BCAS3: variants seen among roughly 807,000 people sequenced by gnomAD.
BCAS3 encodes BCAS4/BCAS3 fusion.
A neutral mutation model predicts 116.1 loss-of-function variants in BCAS3; 53 were observed. The observed-to-expected ratio is 0.46, with a 90% CI of 0.37 to 0.57. BCAS3 has a LOEUF of 0.57. Among genes scored for constraint, BCAS3 ranks in the 20% least tolerant of loss-of-function variants. The pLI, the probability that BCAS3 is intolerant of heterozygous loss-of-function variation, is 0.00. For synonymous variants in BCAS3, 391 were observed against 408.2 expected (o/e 0.96, Z 0.51); for missense variants, 917 against 1,165.4 (o/e 0.79, Z 3.10).
At chr17:60,849,192 CTG>C (rs2144794193) in intron 7 of BCAS3, among the ~76,000 whole-genome samples, 1 of 152,094 alleles carries the variant, frequency 6.6e-6, no homozygotes, top group Admixed American at 6.5e-5. Context: ...AGGCTAAAAA[CTG>C]TCAGAGAAGG....
Position 61,051,712 on chromosome 17 carries a change from C to G in BCAS3, c.2029+10820C>G, listed in dbSNP as rs555547346. Among the ~76,000 whole-genome samples the G allele has an allele frequency of 1.3e-5, 2 of 152,276 alleles. No individual in the cohort carries two copies. The highest frequency in any genetic ancestry group is 3.9e-4 in the East Asian group (2 of 5,180). On this transcript the variant is annotated intron_variant, in intron 19 of 23. Coordinates refer to ENST00000407086, the MANE Select transcript of BCAS3 (RefSeq NM_017679.5). The surrounding 1 kb of genome is among the most constrained non-coding windows in gnomAD (Gnocchi z 4.1). Reference sequence around the variant, plus strand: ...TCCTGAACTTGAGTGATCCTCCTGCCTCAGCCTCCTGAGTACCTGGGACTA... The same window carrying G: ...TCCTGAACTTGAGTGATCCTCCTGCGTCAGCCTCCTGAGTACCTGGGACTA...
intron 11 of BCAS3, among the ~76,000 whole-genome samples, chr17:60,905,774 G>A (rs961448028): frequency 5.9e-5 from 9 of 152,300 alleles, no homozygotes; most frequent in African/African-American, 1.7e-4. Context: ...GGGCCTGAGC[G>A]GGTTTCAGGA....
intron 7 of BCAS3, among the ~76,000 whole-genome samples, chr17:60,808,824 G>A (rs1294129611): frequency 6.6e-6 from 1 of 152,158 alleles, no homozygotes; most frequent in East Asian, 1.9e-4. Flanking sequence ...TGCAGAGAAG[G>A]GAGAGATCAG....
rs1318906334 is a variant in BCAS3 at position 61,356,127 on chromosome 17, TG to T, written c.2426-12197del. ...CTCCTGCCTCAGCCTCCCGAGTAGC[TG>T]GGATTACAGGCGCCTGCCATCATGC... On this transcript the variant is annotated intron_variant, in intron 22 of 23. Transcript: ENST00000407086. This position sits in a 1 kb window ranked among gnomAD's most constrained non-coding sequence, Gnocchi z 5.4. Among the ~76,000 whole-genome samples, 7 of 152,316 alleles carry T rather than the reference TG, an allele frequency of 4.6e-5. No homozygotes were observed. The East Asian group carries it at 1.4e-3, about 29-fold the overall frequency.
At chr17:61,212,746 A>G (rs1056568623) in intron 22 of BCAS3, among the ~76,000 whole-genome samples, 1 of 152,178 alleles carries the variant, frequency 6.6e-6, no homozygotes, top group Admixed American at 6.5e-5. Flanking sequence ...CAGTGGTGCT[A>G]GTTTCCAATT....
intron 6 of BCAS3, among the ~76,000 whole-genome samples, chr17:60,750,046 T>C (rs2144276060): frequency 6.6e-6 from 1 of 152,062 alleles, no homozygotes; most frequent in African/African-American, 2.4e-5. Flanking sequence ...CAGTGCCTGT[T>C]ATTCCAGCTA....
At chr17:61,062,323 C>A (rs2070140455) in intron 19 of BCAS3, among the ~76,000 whole-genome samples, 1 of 152,158 alleles carries the variant, frequency 6.6e-6, no homozygotes. Flanking sequence ...GTATTCTATA[C>A]TCCTGTAAAG....
chr17:61,142,193 T>C (rs2076960956), intron 22 of BCAS3, among the ~76,000 whole-genome samples: 1 of 152,236 alleles, frequency 6.6e-6, no homozygotes, highest in African/African-American at 2.4e-5. Flanking sequence ...GTAATTGTTA[T>C]TATTTCCATT....
At chr17:60,720,737 A>G (rs1007262023) in intron 5 of BCAS3, among the ~76,000 whole-genome samples, 1 of 152,204 alleles carries the variant, frequency 6.6e-6, no homozygotes, top group Non-Finnish European at 1.5e-5. Context: ...GAGGATGTGC[A>G]TAGGTTTTAT....
chr17:60,707,082 C>T (rs1227423257), intron 4 of BCAS3, among the ~76,000 whole-genome samples: 1 of 151,810 alleles, frequency 6.6e-6, no homozygotes, highest in Non-Finnish European at 1.5e-5. Context: ...ACCTCTGCCT[C>T]CTGGGTTCAA....
intron 22 of BCAS3, among the ~76,000 whole-genome samples, chr17:61,294,237 C>T (rs920417580): frequency 6.6e-6 from 1 of 151,414 alleles, no homozygotes; most frequent in Non-Finnish European, 1.5e-5. Flanking sequence ...TGAAAAAAGC[C>T]TTGCAATATA....
chr17:60,897,082 T>G (rs1383481220), intron 10 of BCAS3, among the ~76,000 whole-genome samples: 2 of 152,188 alleles, frequency 1.3e-5, no homozygotes, highest in Non-Finnish European at 2.9e-5. Flanking sequence ...TTTGAGCATG[T>G]CTTGTAGGGT....
At chr17:60,721,734 A>C (rs2039258769) in intron 5 of BCAS3, among the ~76,000 whole-genome samples, 1 of 152,028 alleles carries the variant, frequency 6.6e-6, no homozygotes, top group Non-Finnish European at 1.5e-5. Flanking sequence ...AAATGCACAA[A>C]TCTGAAGTGT....
At position 61,239,447 on chromosome 17, in the gene BCAS3, C is replaced by G. The variant is rs2083301784; in HGVS notation, c.2426-128880C>G. 6.6e-6 allele frequency among the ~76,000 whole-genome samples: 1 copy of G among 152,126 alleles called. No homozygotes were observed. Among genetic ancestry groups the G allele is most frequent in the South Asian group, 2.1e-4 (1 of 4,832 alleles). On this transcript the variant is annotated intron_variant, in intron 22 of 23. Coordinates refer to ENST00000407086, the MANE Select transcript of BCAS3 (RefSeq NM_017679.5). This position sits in a 1 kb window ranked among gnomAD's most constrained non-coding sequence, Gnocchi z 4.2. The stretch of plus-strand genomic sequence containing the variant: ...AGCCTCTAGCAGATAGTTCTGAAAC[C>G]TTTGTGAACGCTTTCTGTAACTTAT...
At position 61,229,894 on chromosome 17, in the gene BCAS3, G is replaced by A. The variant is rs931624882; in HGVS notation, c.2426-138433G>A. Among the ~76,000 whole-genome samples, 2 of 152,216 alleles carry A rather than the reference G, an allele frequency of 1.3e-5. No homozygotes were observed. Among genetic ancestry groups the A allele is most frequent in the African/African-American group, 4.8e-5 (2 of 41,450 alleles). On this transcript the variant is annotated intron_variant, in intron 22 of 23. Coordinates refer to ENST00000407086, the MANE Select transcript of BCAS3 (RefSeq NM_017679.5). The surrounding 1 kb of genome is among the most constrained non-coding windows in gnomAD (Gnocchi z 4.4). ...AATCCCAGCACTTTGGGAGGCCAAGGCGGGCGGTTCACCTGAGGTCAGGAG... is the reference window on the plus strand; with the variant it reads ...AATCCCAGCACTTTGGGAGGCCAAGACGGGCGGTTCACCTGAGGTCAGGAG...
rs891081179 is a variant in BCAS3, at chr17:61,211,507, C to G, written c.2425+126943C>G. On this transcript the variant is annotated intron_variant, in intron 22 of 23. Coordinates refer to ENST00000407086, the MANE Select transcript of BCAS3 (RefSeq NM_017679.5). The surrounding 1 kb of genome is among the most constrained non-coding windows in gnomAD (Gnocchi z 4.4). Reference sequence around the variant, plus strand: ...TGATTTAAAGTGAGTGTTGCTCCACCTAAGAGCTGTTGGCTGAAAAAAGCA... The same window carrying G: ...TGATTTAAAGTGAGTGTTGCTCCACGTAAGAGCTGTTGGCTGAAAAAAGCA... Among the ~76,000 whole-genome samples the G allele has an allele frequency of 8.5e-5, 13 of 152,240 alleles. No individual in the cohort carries two copies. The highest frequency in any genetic ancestry group is 3.1e-4 in the African/African-American group (13 of 41,540).
At chr17:61,298,779 T>C (rs1385702321) in intron 22 of BCAS3, among the ~76,000 whole-genome samples, 1 of 150,728 alleles carries the variant, frequency 6.6e-6, no homozygotes, top group African/African-American at 2.5e-5. Flanking sequence ...CAGTTCAAAG[T>C]AGTCACATGC....
chr17:60,793,129 AC>A (rs1381406782), intron 6 of BCAS3, among the ~76,000 whole-genome samples: 28 of 151,700 alleles, frequency 1.8e-4, no homozygotes, highest in African/African-American at 6.5e-4. Flanking sequence ...ATGGAGTCTC[AC>A]TCTGTCGCCC....
intron 23 of BCAS3, among the ~76,000 whole-genome samples, chr17:61,372,293 TACTC>T (rs1178090309): frequency 6.6e-6 from 1 of 152,222 alleles, no homozygotes; most frequent in East Asian, 1.9e-4. Context: ...GATGAATTCT[TACTC>T]AGCCTCTGGC....
Sources: allele counts gnomAD v4.1 joint callset (sites outside exome capture counted in the v4.1 genomes callset), GRCh38; gene constraint gnomAD v4.1.1; non-coding constraint Gnocchi (gnomAD v3.1); transcripts MANE v1.5; gene names NCBI Gene and HGNC (gene_info 2026-07-23, HGNC 2026-07-21).